TARS1: variants seen among roughly 807,000 people sequenced by gnomAD.
TARS1 encodes threonine--tRNA ligase 1, cytoplasmic.
In TARS1, 57 loss-of-function variants were observed where a neutral mutation model predicts 97.7. That is an observed-to-expected ratio of 0.58 (90% confidence interval 0.47 to 0.73). The LOEUF is 0.73. Ranked by LOEUF, TARS1 falls within the 30% of genes least tolerant of loss-of-function variation. The pLI is 0.00. For synonymous variants in TARS1, 312 were observed against 293.7 expected, an observed-to-expected ratio of 1.06 and a Z score of -0.64; for missense variants, 806 against 888.3, an observed-to-expected ratio of 0.91 and a Z score of 1.18.
chr5:33,442,750 C>T (rs1377915963), intron 1 of TARS1, among the ~76,000 whole-genome samples: 2 of 149,366 alleles, frequency 1.3e-5, no homozygotes, highest in African/African-American at 2.6e-5. Context: ...GTGATCCGCC[C>T]GTCTCGGCCT....
intron 4 of TARS1, among the ~76,000 whole-genome samples, chr5:33,454,049 G>C (rs535459010): frequency 6.6e-6 from 1 of 152,238 alleles, no homozygotes; most frequent in East Asian, 1.9e-4. Flanking sequence ...AGCAAGATAT[G>C]TACATTTGAC....
chr5:33,440,959 C>A, upstream of TARS1: 1 of 1,138,514 alleles, frequency 8.8e-7, no homozygotes, highest in Non-Finnish European at 1.3e-6. Flanking sequence ...GGTTAGGGCG[C>A]CTTTCGATTG....
chr5:33,463,618 T>G, intron 16 of TARS1, 135 bp from the exon 17 acceptor site: 1 of 759,014 alleles, frequency 1.3e-6, no homozygotes, highest in Non-Finnish European at 2.1e-6. Flanking sequence ...ATTTTGGGGT[T>G]TTTTAAAGCC....
At chr5:33,450,490 G>A (rs1212998191) in intron 3 of TARS1, among the ~76,000 whole-genome samples, 1 of 152,180 alleles carries the variant, frequency 6.6e-6, no homozygotes, top group Non-Finnish European at 1.5e-5. Flanking sequence ...CCATTCATTT[G>A]ACAAGTGCTT....
Position 33,462,177 on chromosome 5 carries a change from C to T in TARS1, c.1809C>T (p.Ile603=). ...ILGSVERMIA[I]LTENYGGKWP... ...GATCAGTGGAAAGAATGATTGCTATCCTCACAGAAAACTATGGGGGCAAAT... is the reference window on the plus strand; with the variant it reads ...GATCAGTGGAAAGAATGATTGCTATTCTCACAGAAAACTATGGGGGCAAAT... The change falls in exon 16 of 19, where the codon ATC becomes ATT. Residue 603 remains isoleucine (I), a synonymous_variant. Coordinates refer to ENST00000265112, the MANE Select transcript of TARS1 (RefSeq NM_152295.5). The T allele has an allele frequency of 6.2e-7, 1 of 1,612,536 alleles. No individual in the cohort carries two copies. Among genetic ancestry groups the T allele is most frequent in the Non-Finnish European group, 8.5e-7 (1 of 1,179,786 alleles).
chr5:33,443,811 C>T (rs900395048), intron 1 of TARS1, among the ~76,000 whole-genome samples: 1 of 152,070 alleles, frequency 6.6e-6, no homozygotes, highest in African/African-American at 2.4e-5. Flanking sequence ...TTTCTTTTTA[C>T]CCAGTATACT....
At chr5:33,445,751 G>A (rs144279414) in intron 2 of TARS1, among the ~76,000 whole-genome samples, 105 of 152,284 alleles carry the variant, frequency 6.9e-4, no homozygotes, top group African/African-American at 2.4e-3. Flanking sequence ...AGATGTTAGG[G>A]AATAGAGACT....
rs1231494266 is a variant in TARS1, at chr5:33,444,955, G to A, written c.58-369G>A. 4.8e-5 allele frequency among the ~76,000 whole-genome samples: 7 copies of A among 145,360 alleles called. No homozygotes were observed. In the East Asian group the frequency reaches 1.4e-3, roughly 29 times the overall value. On this transcript the variant is annotated intron_variant, in intron 1 of 18. Transcript: ENST00000265112. Reference sequence around the variant, plus strand: ...AATTCATGGGCACACTTTGCATTCAGTTTTTTTTTTTTTCCCCTGGAAATA... The same window carrying A: ...AATTCATGGGCACACTTTGCATTCAATTTTTTTTTTTTTCCCCTGGAAATA...
upstream of TARS1, chr5:33,440,941 G>A: frequency 2.4e-6 from 2 of 850,806 alleles, no homozygotes; most frequent in Non-Finnish European, 3.7e-6. Flanking sequence ...GCCGCAAGTT[G>A]GGGGCGGGGT....
chr5:33,461,971 C>A lies in TARS1; in HGVS notation c.1695C>A (p.Phe565Leu), dbSNP rs759937236. The stretch of plus-strand genomic sequence containing the variant: ...AGTGTGCAACCATCCAGCTGGATTT[C>A]CAGTTGCCCATCAGATTTAATCTTA... ...YHQCATIQLD[F>L]QLPIRFNLTY... The change falls in exon 15 of 19, where the codon TTC becomes TTA. Residue 565 changes from phenylalanine (F) to leucine (L), a missense_variant. Phe to Leu is a conservative substitution (Grantham distance 22, BLOSUM62 0). This residue lies in a region of TARS1 where 446 missense variants were observed against 511.0 expected (regional missense o/e 0.87). Transcript: ENST00000265112. The A allele has an allele frequency of 6.2e-7, 1 of 1,614,026 alleles. No homozygotes were observed. The highest frequency in any genetic ancestry group is 1.1e-5 in the South Asian group (1 of 91,070).
intron 18 of TARS1, 67 bp downstream of exon 18, chr5:33,467,052 A>G (rs1176182227): frequency 5.6e-6 from 5 of 889,472 alleles, no homozygotes; most frequent in Non-Finnish European, 8.3e-6. Flanking sequence ...ACCTTGAGAC[A>G]GGTTTAAGTG....
intron 3 of TARS1, among the ~76,000 whole-genome samples, chr5:33,450,604 C>A (rs1741685639): frequency 6.6e-6 from 1 of 152,158 alleles, no homozygotes; most frequent in African/African-American, 2.4e-5. Context: ...CTTTACGTAT[C>A]AGTTCAACCT....
chr5:33,459,062 G>A (rs146109778), intron 10 of TARS1, among the ~76,000 whole-genome samples: 106 of 151,620 alleles, frequency 7.0e-4, no homozygotes, highest in African/African-American at 2.4e-3. Flanking sequence ...TATTCACATT[G>A]GGCTATATTT....
chr5:33,453,517 T>A, intron 4 of TARS1, 105 bp downstream of exon 4: 1 of 1,364,648 alleles, frequency 7.3e-7, no homozygotes, highest in Middle Eastern at 2.2e-4. Flanking sequence ...TTTATTGTTG[T>A]CTCACTGTCA....
chr5:33,447,832 T>C (rs929788232), intron 2 of TARS1, among the ~76,000 whole-genome samples: 19 of 152,274 alleles, frequency 1.2e-4, no homozygotes, highest in African/African-American at 4.6e-4. Context: ...TTGACTGTTT[T>C]GTTACCACAG....
intron 3 of TARS1, among the ~76,000 whole-genome samples, chr5:33,449,004 A>T (rs536215539): frequency 1.7e-4 from 26 of 152,322 alleles, no homozygotes; most frequent in South Asian, 4.1e-4. Context: ...AATGTTACAA[A>T]ACCGACTAGA....
intron 3 of TARS1, chr5:33,452,230 G>A (rs1457830460): frequency 2.5e-6 from 2 of 796,582 alleles, no homozygotes; most frequent in Non-Finnish European, 4.1e-6. Flanking sequence ...TTTCTTCACA[G>A]TGTAGAATGT....
chr5:33,455,873 T>A, intron 6 of TARS1, 129 bp from the exon 7 acceptor site: 1 of 987,588 alleles, frequency 1.0e-6, no homozygotes, highest in Non-Finnish European at 1.5e-6. Flanking sequence ...AGCAAACCAT[T>A]CCTTCAACAT....
intron 4 of TARS1, among the ~76,000 whole-genome samples, 186 bp downstream of exon 4, chr5:33,453,598 G>A (rs553354497): frequency 1.3e-5 from 2 of 152,232 alleles, no homozygotes; most frequent in South Asian, 4.1e-4. Context: ...AAATAAAGGG[G>A]TGAAGCTGAA....
Sources: gnomAD v4.1 joint callset for allele counts (sites outside exome capture counted in the v4.1 genomes callset) on GRCh38, gnomAD v4.1.1 for gene constraint, gnomAD v4.1.1 regional missense constraint, MANE v1.5 for transcripts, NCBI Gene and HGNC (gene_info 2026-07-23, HGNC 2026-07-21) for gene names.